Variants in PTPRD observed in about 807,000 individuals in gnomAD.
The protein encoded by PTPRD is receptor-type tyrosine-protein phosphatase delta.
In PTPRD, 34 loss-of-function variants were observed where a neutral mutation model predicts 214.5. That is an observed-to-expected ratio of 0.16 (90% confidence interval 0.12 to 0.21). The LOEUF is 0.21. PTPRD is among the 10% of genes least tolerant of loss of function. PTPRD has a pLI of 1.00. For synonymous variants in PTPRD, 1,128 were observed against 845.7 expected (o/e 1.33, Z -5.79); for missense variants, 2,545 against 2,398.7 (o/e 1.06, Z -1.27).
At chr9:8,539,568 A>G (rs1420310394) in intron 14 of PTPRD, among the ~76,000 whole-genome samples, 1 of 152,008 alleles carries the variant, frequency 6.6e-6, no homozygotes, top group African/African-American at 2.4e-5. Flanking sequence ...GCTTACAGAA[A>G]CAACCTTGAT....
chr9:9,329,810 T>A (rs2041626146), intron 9 of PTPRD, among the ~76,000 whole-genome samples: 1 of 152,228 alleles, frequency 6.6e-6, no homozygotes, highest in Non-Finnish European at 1.5e-5. Flanking sequence ...GCAAATGGGT[T>A]TTCAGTAAGG....
chr9:9,323,676 C>T (rs547746520), intron 9 of PTPRD, among the ~76,000 whole-genome samples: 5 of 152,172 alleles, frequency 3.3e-5, no homozygotes, highest in African/African-American at 1.2e-4. Context: ...TAGGCAGTTC[C>T]ATATGCATTC....
At chr9:10,367,190 T>C (rs2097533203) in intron 2 of PTPRD, among the ~76,000 whole-genome samples, 2 of 151,758 alleles carry the variant, frequency 1.3e-5, no homozygotes, top group South Asian at 2.1e-4. Flanking sequence ...CTTAGAGTAA[T>C]GACAAAAATG....
chr9:9,390,112 G>C (rs944982428), intron 9 of PTPRD, among the ~76,000 whole-genome samples: 1 of 152,144 alleles, frequency 6.6e-6, no homozygotes. Context: ...CAGGTACAGA[G>C]AGCAGAGGCC....
chr9:10,397,719 G>T (rs1361027510), intron 2 of PTPRD, among the ~76,000 whole-genome samples: 2 of 152,104 alleles, frequency 1.3e-5, no homozygotes, highest in Middle Eastern at 3.4e-3. Flanking sequence ...CTGTGGCCTA[G>T]GAGCAATAGG....
intron 12 of PTPRD, chr9:8,713,522 C>T: frequency 8.2e-7 from 1 of 1,220,026 alleles, no homozygotes; most frequent in Non-Finnish European, 1.2e-6. Flanking sequence ...TTTGAGAAGT[C>T]CCCGCTGCGG....
intron 14 of PTPRD, among the ~76,000 whole-genome samples, chr9:8,563,968 G>A (rs899271450): frequency 2.6e-5 from 4 of 152,160 alleles, no homozygotes; most frequent in East Asian, 1.9e-4. Flanking sequence ...AACCGGCCTC[G>A]GCATACAATT....
chr9:8,466,091 A>T (rs989600719), intron 31 of PTPRD, among the ~76,000 whole-genome samples: 6 of 151,984 alleles, frequency 3.9e-5, no homozygotes, highest in African/African-American at 1.4e-4. Flanking sequence ...CTTTAAATAT[A>T]GCCACATTTT....
At chr9:9,361,733 C>A (rs557602859) in intron 9 of PTPRD, among the ~76,000 whole-genome samples, 8 of 151,192 alleles carry the variant, frequency 5.3e-5, no homozygotes, top group Admixed American at 1.3e-4. Flanking sequence ...CTTGATCTTT[C>A]AGTCTCAAGA....
intron 11 of PTPRD, among the ~76,000 whole-genome samples, chr9:8,806,102 T>A (rs1273649120): frequency 6.6e-5 from 10 of 151,824 alleles, no homozygotes; most frequent in Non-Finnish European, 1.0e-4. Context: ...TTTTTGTATT[T>A]TTAGTAGAGA....
intron 2 of PTPRD, among the ~76,000 whole-genome samples, chr9:10,509,540 T>G (rs2047246656): frequency 7.8e-6 from 1 of 128,616 alleles, no homozygotes; most frequent in Non-Finnish European, 1.6e-5. Context: ...AATAAATATA[T>G]TTACATTTAA....
Position 8,316,011 on chromosome 9 carries a change from A to T in PTPRD, c.*1863T>A. ...ATATCAAATATATTCCAAAGTTGCCAATGATATTTGTTACTAAAATAAGTT... is the reference window on the plus strand; with the variant it reads ...ATATCAAATATATTCCAAAGTTGCCTATGATATTTGTTACTAAAATAAGTT... On this transcript the variant is annotated 3_prime_UTR_variant, in exon 46 of 46. Transcript: ENST00000381196. 1 of 228,072 alleles carries T rather than the reference A, an allele frequency of 4.4e-6. No individual in the cohort carries two copies. Among genetic ancestry groups the T allele is most frequent in the Non-Finnish European group, 8.7e-6 (1 of 114,584 alleles). The allele number at this position is 228,072 out of a possible 1,614,324, so 14.1% of individuals were successfully genotyped here.
intron 14 of PTPRD, among the ~76,000 whole-genome samples, chr9:8,603,932 T>C (rs1485204892): frequency 1.3e-5 from 2 of 152,224 alleles, no homozygotes; most frequent in East Asian, 1.9e-4. Flanking sequence ...GACACTATAA[T>C]GTGTTTCCTA....
At chr9:9,935,343 C>A (rs1038415779) in intron 5 of PTPRD, among the ~76,000 whole-genome samples, 1 of 152,104 alleles carries the variant, frequency 6.6e-6, no homozygotes, top group East Asian at 1.9e-4. Context: ...CGTCTCAGCC[C>A]AAAATCTCCT....
In PTPRD at chr9:8,486,247, C is replaced by A. The variant is rs139171396; in HGVS notation, c.2570G>T (p.Arg857Leu). ...CATATCCTTGCGGCCAAATTTTAGA[C>A]GGTAGCCCTGAAGAGGTCCAAATGT... is the stretch of plus-strand genomic sequence containing the variant. ...VDTFGPLQGY[R>L]LKFGRKDMEP... is the part of the protein sequence containing the mutation. The change falls in exon 28 of 46, where the codon CGT (arginine) becomes CTT (leucine). Residue 857 changes from arginine to leucine, a missense_variant. Transcript: ENST00000381196. The A allele has an allele frequency of 6.2e-7, 1 of 1,614,144 alleles. No homozygotes were observed. Among genetic ancestry groups the A allele is most frequent in the Admixed American group, 1.7e-5 (1 of 59,996 alleles).
intron 2 of PTPRD, among the ~76,000 whole-genome samples, chr9:10,359,450 A>C (rs2097336541): frequency 6.6e-6 from 1 of 152,046 alleles, no homozygotes; most frequent in African/African-American, 2.4e-5. Flanking sequence ...TAATAAGTAA[A>C]TATTTTAAAT....
chr9:10,016,803 T>C (rs1413609853), intron 4 of PTPRD, among the ~76,000 whole-genome samples: 1 of 152,082 alleles, frequency 6.6e-6, no homozygotes, highest in East Asian at 1.9e-4. Flanking sequence ...TAGCAGGGAC[T>C]ACATGCATGC....
At chr9:9,917,478 G>C (rs1363010943) in intron 5 of PTPRD, among the ~76,000 whole-genome samples, 1 of 133,492 alleles carries the variant, frequency 7.5e-6, no homozygotes, top group Non-Finnish European at 1.6e-5. Flanking sequence ...AAAAATCCAG[G>C]ACCAGATGTC....
chr9:9,939,997 G>C (rs2090953488), intron 4 of PTPRD, among the ~76,000 whole-genome samples: 1 of 152,112 alleles, frequency 6.6e-6, no homozygotes, highest in South Asian at 2.1e-4. Flanking sequence ...TATGGATCTT[G>C]TGCCAGGTGA....
Sources: allele counts gnomAD v4.1 joint callset (sites outside exome capture counted in the v4.1 genomes callset), GRCh38; gene constraint gnomAD v4.1.1; transcripts MANE v1.5; gene names NCBI Gene and HGNC (gene_info 2026-07-23, HGNC 2026-07-21).